ST6GAL1: variants seen among roughly 807,000 people sequenced by gnomAD.
The protein encoded by ST6GAL1 is beta-galactoside alpha-2,6-sialyltransferase 1.
ST6GAL1 carries 20 observed loss-of-function variants against 38.0 expected under a neutral mutation model. The ratio of observed to expected loss-of-function variants is 0.53; its 90% CI spans 0.37 to 0.77. The LOEUF (loss-of-function observed/expected upper bound fraction) is 0.77, where lower values mean the gene tolerates loss of function less well. Ranked by LOEUF, ST6GAL1 falls within the 30% of genes least tolerant of loss-of-function variation. ST6GAL1 has a pLI of 0.00. For synonymous variants in ST6GAL1, 196 were observed against 188.2 expected (o/e 1.04, Z -0.34); for missense variants, 432 against 496.4 (o/e 0.87, Z 1.23).
chr3:186,997,710 C>T (rs560423554), intron 2 of ST6GAL1, among the ~76,000 whole-genome samples: 10 of 151,416 alleles, frequency 6.6e-5, no homozygotes, highest in East Asian at 5.8e-4. Context: ...TGAGCCGCAA[C>T]GGAATCATTG....
intron 2 of ST6GAL1, among the ~76,000 whole-genome samples, chr3:186,977,691 C>T (rs1166392516): frequency 3.7e-4 from 57 of 152,146 alleles, no homozygotes; most frequent in Admixed American, 3.7e-3. Flanking sequence ...AATTCCATCC[C>T]GTGCCTCCAG....
chr3:186,953,717 G>T (rs1714656098), intron 1 of ST6GAL1, among the ~76,000 whole-genome samples: 2 of 151,692 alleles, frequency 1.3e-5, no homozygotes, highest in Admixed American at 1.3e-4. Flanking sequence ...ATCCACATTT[G>T]TTGGCTGAAT....
intron 2 of ST6GAL1, among the ~76,000 whole-genome samples, chr3:186,997,760 GA>G (rs34450078): frequency 0.59 from 85,035 of 144,188 alleles, 24,139 homozygotes; most frequent in Middle Eastern, 0.72. Context: ...GTCTCAAAAA[GA>G]AAAAAAAAAA....
At chr3:187,041,371 C>T (rs1033477067) in intron 3 of ST6GAL1, among the ~76,000 whole-genome samples, 1 of 152,014 alleles carries the variant, frequency 6.6e-6, no homozygotes, top group South Asian at 2.1e-4. Flanking sequence ...TTAGCAAAAC[C>T]CCGGAGGTGA....
chr3:187,021,037 C>G (rs1477662983), intron 2 of ST6GAL1, among the ~76,000 whole-genome samples: 1 of 151,598 alleles, frequency 6.6e-6, no homozygotes, highest in South Asian at 2.1e-4. Flanking sequence ...TGATCTCTGC[C>G]CACTGAGCCT....
intron 4 of ST6GAL1, among the ~76,000 whole-genome samples, chr3:187,050,096 AAG>A (rs1718457046): frequency 6.6e-6 from 1 of 152,214 alleles, no homozygotes; most frequent in Non-Finnish European, 1.5e-5. Flanking sequence ...AACTGAAATA[AAG>A]AGAGAGGCTT....
Position 187,063,245 on chromosome 3 carries a change from A to C in ST6GAL1, c.706-9604A>C, listed in dbSNP as rs574723730. 8.5e-5 allele frequency among the ~76,000 whole-genome samples: 13 copies of C among 152,324 alleles called. No individual in the cohort carries two copies. The South Asian group carries it at 2.7e-3, about 32-fold the overall frequency. On this transcript the variant is annotated intron_variant, in intron 5 of 7. Coordinates refer to ENST00000169298, the MANE Select transcript of ST6GAL1 (RefSeq NM_173216.2). ...TGGAGCCAAAGCGTAGTGGAGGATG[A>C]ACCCCAGCAGGCGGGAGTCAGAGGG...
At chr3:187,020,705 A>G (rs1717266953) in intron 2 of ST6GAL1, among the ~76,000 whole-genome samples, 1 of 152,260 alleles carries the variant, frequency 6.6e-6, no homozygotes, top group African/African-American at 2.4e-5. Flanking sequence ...CAAATTCTGT[A>G]AAATATTTTC....
intron 2 of ST6GAL1, among the ~76,000 whole-genome samples, chr3:186,984,108 G>A (rs1302135250): frequency 6.6e-6 from 1 of 152,028 alleles, no homozygotes; most frequent in Non-Finnish European, 1.5e-5. Flanking sequence ...CTAGTTGCTT[G>A]GGCTCCAACC....
chr3:187,029,099 A>AAAACAAAAAAAG (rs1717650086), intron 2 of ST6GAL1, among the ~76,000 whole-genome samples: 1 of 151,332 alleles, frequency 6.6e-6, no homozygotes, highest in Admixed American at 6.6e-5. Context: ...AAAAAAAAAA[A>AAAACAAAAAAAG]GAATTTTTCA....
chr3:186,995,524 AAAT>A (rs1560155524), intron 2 of ST6GAL1, among the ~76,000 whole-genome samples: 2 of 138,328 alleles, frequency 1.4e-5, no homozygotes, highest in Non-Finnish European at 3.1e-5. Flanking sequence ...AATAATAATA[AAAT>A]AAAAAAAAAA....
intron 1 of ST6GAL1, among the ~76,000 whole-genome samples, chr3:186,934,137 G>A (rs1234253349): frequency 6.6e-6 from 1 of 152,180 alleles, no homozygotes; most frequent in Non-Finnish European, 1.5e-5. Context: ...GTACAGTGAG[G>A]GTTCTCCTTG....
chr3:186,961,691 G>T (rs1434920300), intron 1 of ST6GAL1, among the ~76,000 whole-genome samples: 1 of 152,194 alleles, frequency 6.6e-6, no homozygotes, highest in African/African-American at 2.4e-5. Context: ...CATGAGACAG[G>T]TCCCCAAGGC....
At chr3:187,020,842 G>A (rs1253721591) in intron 2 of ST6GAL1, among the ~76,000 whole-genome samples, 2 of 152,196 alleles carry the variant, frequency 1.3e-5, no homozygotes, top group Non-Finnish European at 2.9e-5. Flanking sequence ...AGGGAGACAG[G>A]CATTACAGGC....
intron 2 of ST6GAL1, among the ~76,000 whole-genome samples, chr3:187,008,450 C>T (rs967671740): frequency 1.3e-5 from 2 of 151,782 alleles, no homozygotes; most frequent in African/African-American, 2.4e-5. Flanking sequence ...TGGCCAAAGA[C>T]GAAGACAGTG....
At chr3:187,016,627 C>T (rs1237520483) in intron 2 of ST6GAL1, among the ~76,000 whole-genome samples, 1 of 152,180 alleles carries the variant, frequency 6.6e-6, no homozygotes, top group Non-Finnish European at 1.5e-5. Context: ...AAACGTTGGT[C>T]AACATGCTCC....
At chr3:187,004,574 T>C (rs17775791) in intron 2 of ST6GAL1, among the ~76,000 whole-genome samples, 37,337 of 152,128 alleles carry the variant, frequency 0.25, 4,651 homozygotes, top group South Asian at 0.34. Flanking sequence ...TAGCAATATG[T>C]AATACACTAG....
At chr3:186,969,731 CA>C (rs1475814581) in intron 2 of ST6GAL1, among the ~76,000 whole-genome samples, 50 of 152,056 alleles carry the variant, frequency 3.3e-4, no homozygotes, top group African/African-American at 1.2e-3. Context: ...GATGGGGAGT[CA>C]AGGAAGCTTC....
intron 2 of ST6GAL1, among the ~76,000 whole-genome samples, chr3:187,020,214 T>C (rs1209048214): frequency 1.3e-5 from 2 of 152,174 alleles, no homozygotes; most frequent in Admixed American, 6.5e-5. Flanking sequence ...GAGAATTGCT[T>C]GAACCTGGGA....
Sources: allele counts gnomAD v4.1 joint callset (sites outside exome capture counted in the v4.1 genomes callset), GRCh38; gene constraint gnomAD v4.1.1; transcripts MANE v1.5; gene names NCBI Gene and HGNC (gene_info 2026-07-23, HGNC 2026-07-21).